The following ZFHX3 variants were observed in gnomAD, a reference collection of about 807,000 sequenced individuals.
The protein encoded by ZFHX3 is zinc finger homeobox protein 3.
A neutral mutation model predicts 279.1 loss-of-function variants in ZFHX3; 42 were observed. The observed-to-expected ratio is 0.15, with a 90% CI of 0.12 to 0.19. ZFHX3 has a LOEUF of 0.19. ZFHX3 is among the 10% of genes least tolerant of loss of function. ZFHX3 has a pLI of 1.00. For missense variants in ZFHX3, 4,981 were observed against 4,754.0 expected (o/e 1.05, Z -1.40); for synonymous variants, 2,293 against 1,957.8 (o/e 1.17, Z -4.52).
chr16:72,988,605 T>G (rs4541098), intron 1 of ZFHX3, among the ~76,000 whole-genome samples: 1 of 151,548 alleles, frequency 6.6e-6, no homozygotes, highest in Non-Finnish European at 1.5e-5. Flanking sequence ...GGAATTCAAT[T>G]GCACTAACTG....
At chr16:73,554,129 G>A (rs2020241028) in intron 2 of ZFHX3, 1 of 152,132 alleles carries the variant, frequency 6.6e-6, no homozygotes, top group Non-Finnish European at 1.5e-5. Flanking sequence ...ATCTCACTCT[G>A]CTATCTTGTG....
intron 1 of ZFHX3, among the ~76,000 whole-genome samples, chr16:73,847,904 GTTTTTTTTTTTTTTTT>G (rs60189791): frequency 1.2e-5 from 1 of 80,056 alleles, no homozygotes; most frequent in East Asian, 4.0e-4. Context: ...TGCCTGGCTA[GTTTTTTTTTTTTTTTT>G]TTTTTTTTTT....
chr16:72,879,865 G>A (rs755456209), intron 4 of ZFHX3, among the ~76,000 whole-genome samples: 4 of 152,280 alleles, frequency 2.6e-5, no homozygotes, highest in Non-Finnish European at 5.9e-5. Flanking sequence ...CCACGTGGCC[G>A]GCTGTCAGTC....
intron 2 of ZFHX3, among the ~76,000 whole-genome samples, chr16:73,510,233 C>G (rs1049214491): frequency 2.0e-5 from 3 of 152,192 alleles, no homozygotes; most frequent in African/African-American, 7.2e-5. Context: ...TTATCACAAT[C>G]TGACACTTGC....
chr16:73,573,300 G>T (rs1377848930), intron 2 of ZFHX3, among the ~76,000 whole-genome samples: 4 of 152,144 alleles, frequency 2.6e-5, no homozygotes, highest in Non-Finnish European at 5.9e-5. Flanking sequence ...CCAATGTGAA[G>T]GGATGGCAAG....
At chr16:72,860,026 G>A (rs900767003) in intron 4 of ZFHX3, among the ~76,000 whole-genome samples, 3 of 152,184 alleles carry the variant, frequency 2.0e-5, no homozygotes, top group East Asian at 1.9e-4. Flanking sequence ...TCTTATTTCC[G>A]TGCCCCTCGA....
chr16:73,372,190 TC>T (rs2016643238), intron 3 of ZFHX3, among the ~76,000 whole-genome samples: 1 of 152,208 alleles, frequency 6.6e-6, no homozygotes, highest in Non-Finnish European at 1.5e-5. Context: ...CTGATTAAAG[TC>T]CAGAAGTCCC....
Position 72,877,622 on chromosome 16 carries a change from T to C in ZFHX3, c.3448+12109A>G, listed in dbSNP as rs552461950. On this transcript the variant is annotated intron_variant, in intron 4 of 9. Transcript: ENST00000268489. ...TCCTCAAGTTAAAAGGACAAAAGTC[T>C]TTCCTGTGTTTCATACTTGGGCGGT... 4.6e-5 allele frequency among the ~76,000 whole-genome samples: 7 copies of C among 152,328 alleles called. No individual in the cohort carries two copies. In the East Asian group the frequency reaches 9.6e-4, roughly 21 times the overall value.
intron 3 of ZFHX3, among the ~76,000 whole-genome samples, chr16:73,410,071 G>A (rs1450404879): frequency 6.6e-6 from 1 of 152,164 alleles, no homozygotes; most frequent in Non-Finnish European, 1.5e-5. Context: ...TCTAGTATTT[G>A]ACAGCACCAT....
chr16:72,797,364 T>C lies in ZFHX3; in HGVS notation c.5318A>G (p.Asn1773Ser). 1.2e-6 allele frequency: 2 copies of C among 1,600,920 alleles called. No individual in the cohort carries two copies. Among genetic ancestry groups the C allele is most frequent in the Non-Finnish European group, 1.7e-6 (2 of 1,173,336 alleles). Residue 1773 changes from asparagine (N) to serine (S), a missense_variant, in exon 9 of 10, where the codon AAC becomes AGC. Transcript: ENST00000268489. Reference protein sequence around the residue: ...QAALIQSQLFNPTLLPHFPMT... With the variant: ...QAALIQSQLFSPTLLPHFPMT... ...GGGGAAGTGAGGAAGGAGGGTGGGG[T>C]TAAACAGCTGAGACTGGATCAGGGC... is the stretch of plus-strand genomic sequence containing the variant.
intron 1 of ZFHX3, among the ~76,000 whole-genome samples, chr16:73,765,563 C>T (rs931306432): frequency 2.0e-5 from 3 of 152,146 alleles, no homozygotes; most frequent in Non-Finnish European, 2.9e-5. Context: ...TTAAATCAAA[C>T]ATCAGGAAAG....
chr16:73,418,523 C>A (rs943491981), intron 3 of ZFHX3, among the ~76,000 whole-genome samples: 1 of 152,192 alleles, frequency 6.6e-6, no homozygotes, highest in Non-Finnish European at 1.5e-5. Context: ...TTGGAAATGT[C>A]CCCTTCATTT....
intron 2 of ZFHX3, among the ~76,000 whole-genome samples, chr16:73,549,349 A>T (rs1230649844): frequency 6.6e-6 from 1 of 152,082 alleles, no homozygotes; most frequent in Non-Finnish European, 1.5e-5. Flanking sequence ...TTTTTCATAT[A>T]TATTTTTATC....
Position 73,842,993 on chromosome 16 carries a change from T to C in ZFHX3, c.-1608+48658A>G, listed in dbSNP as rs564482687. ...AATCCACTGTTCAACCTGGACAAGT[T>C]TTCAGTAACACATTATGTACAAAAT... On this transcript the variant is annotated intron_variant, in intron 1 of 17. Coordinates refer to the ZFHX3 transcript ENST00000641206. Among the ~76,000 whole-genome samples the C allele has an allele frequency of 2.0e-5, 3 of 152,362 alleles. No homozygotes were observed. In the East Asian group the frequency reaches 5.8e-4, roughly 29 times the overall value.
chr16:73,883,293 A>G (rs1259222183), intron 1 of ZFHX3, among the ~76,000 whole-genome samples: 1 of 152,184 alleles, frequency 6.6e-6, no homozygotes, highest in Non-Finnish European at 1.5e-5. Context: ...AAGTTCAGCT[A>G]AACAAAAGGA....
At chr16:72,979,815 A>G (rs536009034) in intron 1 of ZFHX3, among the ~76,000 whole-genome samples, 1 of 152,366 alleles carries the variant, frequency 6.6e-6, no homozygotes, top group African/African-American at 2.4e-5. Flanking sequence ...CTTAAAATGC[A>G]TGTAAGAATA....
chr16:73,170,661 G>A (rs1308500759), intron 5 of ZFHX3, among the ~76,000 whole-genome samples: 1 of 152,222 alleles, frequency 6.6e-6, no homozygotes, highest in Non-Finnish European at 1.5e-5. Context: ...GCTGGCAGAA[G>A]ATATGCTGAG....
chr16:73,149,540 C>T (rs1019524463), intron 5 of ZFHX3, among the ~76,000 whole-genome samples: 5 of 152,114 alleles, frequency 3.3e-5, no homozygotes, highest in South Asian at 2.1e-4. Flanking sequence ...ACCAGCTGCA[C>T]ATCTAGTCCT....
intron 1 of ZFHX3, among the ~76,000 whole-genome samples, chr16:73,030,796 G>C (rs1482988681): frequency 6.6e-6 from 1 of 152,198 alleles, no homozygotes; most frequent in Non-Finnish European, 1.5e-5. Flanking sequence ...TGCCTCCCTT[G>C]CACGCCCCTC....
Sources: allele counts gnomAD v4.1 joint callset (sites outside exome capture counted in the v4.1 genomes callset), GRCh38; gene constraint gnomAD v4.1.1; transcripts MANE v1.5; gene names NCBI Gene and HGNC (gene_info 2026-07-23, HGNC 2026-07-21).